The following HMCES variants were observed in gnomAD, a reference collection of about 807,000 sequenced individuals.
HMCES encodes abasic site processing protein HMCES.
Under a neutral mutation model 35.1 loss-of-function variants are expected in HMCES, and 27 were observed. The ratio of observed to expected loss-of-function variants is 0.77; its 90% CI spans 0.57 to 1.06. The LOEUF is 1.06. Among genes scored for constraint, HMCES ranks in the 50% least tolerant of loss-of-function variants. The pLI is 0.00. For missense variants in HMCES, 391 were observed against 430.4 expected (o/e 0.91, Z 0.81); for synonymous variants, 130 against 154.7 (o/e 0.84, Z 1.18).
intron 2 of HMCES, among the ~76,000 whole-genome samples, chr3:129,285,287 A>G (rs927415940): frequency 3.3e-5 from 5 of 152,168 alleles, no homozygotes; most frequent in African/African-American, 9.7e-5. Context: ...GAAAAATACT[A>G]TACTACAATT....
intron 2 of HMCES, among the ~76,000 whole-genome samples, chr3:129,285,544 C>T (rs1049357221): frequency 1.3e-4 from 20 of 152,110 alleles, no homozygotes; most frequent in African/African-American, 4.6e-4. Context: ...CTCTTCCTCC[C>T]GGGTTCACGC....
At chr3:129,300,815 G>C (rs998987750) in intron 5 of HMCES, among the ~76,000 whole-genome samples, 5 of 152,136 alleles carry the variant, frequency 3.3e-5, no homozygotes, top group Admixed American at 3.3e-4. Context: ...TGGATCATGA[G>C]GTCAGGAGAT....
chr3:129,300,983 A>G (rs1355092917), intron 5 of HMCES, among the ~76,000 whole-genome samples: 1 of 151,162 alleles, frequency 6.6e-6, no homozygotes, highest in East Asian at 1.9e-4. Flanking sequence ...ATGAGCCGAG[A>G]TCATGCCATT....
At chr3:129,302,418 A>G (rs1039423711) in intron 6 of HMCES, among the ~76,000 whole-genome samples, 3 of 152,218 alleles carry the variant, frequency 2.0e-5, no homozygotes, top group Non-Finnish European at 4.4e-5. Flanking sequence ...ACTTTTGTAT[A>G]ATTAAGAAGC....
intron 5 of HMCES, among the ~76,000 whole-genome samples, chr3:129,299,567 A>C (rs2071134987): frequency 6.6e-6 from 1 of 152,038 alleles, no homozygotes; most frequent in African/African-American, 2.4e-5. Flanking sequence ...TAGCACTAAA[A>C]GGAGCCACTT....
Position 129,279,722 on chromosome 3 carries a change from G to T in HMCES, c.-11G>T, listed in dbSNP as rs373040404. 2.4e-5 allele frequency: 39 copies of T among 1,611,930 alleles called. No individual in the cohort carries two copies. Among genetic ancestry groups the T allele is most frequent in the African/African-American group, 4.0e-5 (3 of 74,804 alleles). ...TTGTAATTTAAAGGTTGCGAGGGGC[G>T]GTGTTGAAGAATGTGTGGGCGAACA... On this transcript the variant is annotated 5_prime_UTR_variant, in exon 2 of 7. Coordinates refer to ENST00000383463, the MANE Select transcript of HMCES (RefSeq NM_020187.3). The surrounding 1 kb of genome is among the most constrained non-coding windows in gnomAD (Gnocchi z 4.2).
intron 4 of HMCES, 70 bp from the exon 5 acceptor site, chr3:129,298,284 G>C: frequency 7.3e-7 from 1 of 1,369,036 alleles, no homozygotes; most frequent in Non-Finnish European, 1.0e-6. Context: ...CGAGTCTGAA[G>C]TAGTACCTAA....
At chr3:129,295,233 T>G (rs2071077723) in intron 4 of HMCES, among the ~76,000 whole-genome samples, 2 of 150,152 alleles carry the variant, frequency 1.3e-5, no homozygotes, top group Admixed American at 1.3e-4. Context: ...CCTTTTAAAA[T>G]GTACAGTGGT....
chr3:129,290,759 G>A lies in HMCES; in HGVS notation c.408G>A (p.Gln136=). 1 of 1,613,504 alleles carries A rather than the reference G, an allele frequency of 6.2e-7. No homozygotes were observed. The highest frequency in any genetic ancestry group is 1.7e-4 in the Middle Eastern group (1 of 6,058). ...GGCAGCGATGTCAGGGAACAAACCA[G>A]AGGCAGCCATACTTCATCTATTTTC... ...YEWQRCQGTN[Q]RQPYFIYFPQ... Residue 136 remains glutamine (Q), a synonymous_variant, in exon 4 of 7, where the codon CAG becomes CAA. Transcript: ENST00000383463.
In HMCES at chr3:129,279,571, G is replaced by A. The variant is rs1016268185; in HGVS notation, c.-23-139G>A. The A allele has an allele frequency of 1.6e-5, 13 of 818,850 alleles. No homozygotes were observed. In the Admixed American group the frequency reaches 2.6e-4, roughly 16 times the overall value. 50.7% of individuals were successfully genotyped at this position (818,850 alleles called of 1,614,324 possible). On this transcript the variant is annotated intron_variant, in intron 1 of 6. Transcript: ENST00000383463. This position sits in a 1 kb window ranked among gnomAD's most constrained non-coding sequence, Gnocchi z 4.2. ...AACGGGCACATCCTTGTCTTTGTGG[G>A]ACTTTTTGGGGAAGACTTTAGACGG...
intron 4 of HMCES, among the ~76,000 whole-genome samples, chr3:129,295,256 CA>C (rs2071078107): frequency 6.7e-6 from 1 of 149,190 alleles, no homozygotes; most frequent in African/African-American, 2.5e-5. Flanking sequence ...TTAGTATATT[CA>C]AAACCTTGGC....
intron 2 of HMCES, among the ~76,000 whole-genome samples, chr3:129,287,134 G>C (rs73862874): frequency 0.11 from 16,294 of 152,122 alleles, 2,470 homozygotes; most frequent in African/African-American, 0.34. Context: ...GGAGGATACT[G>C]CAAGCATGTT....
At chr3:129,301,826 A>C in intron 5 of HMCES, 124 bp from the exon 6 acceptor site, 3 of 750,586 alleles carry the variant, frequency 4.0e-6, no homozygotes, top group East Asian at 4.9e-5. Context: ...TCAGCATGTG[A>C]GGCGCAGAGG....
rs1461816579 is a variant in HMCES, at chr3:129,279,863, A to G, written c.131A>G (p.Lys44Arg). 1.2e-6 allele frequency: 2 copies of G among 1,610,866 alleles called. No individual in the cohort carries two copies. The highest frequency in any genetic ancestry group is 1.7e-6 in the Non-Finnish European group (2 of 1,179,034). Residue 44 changes from lysine (K) to arginine (R), a missense_variant, in exon 2 of 7, where the codon AAG becomes AGG. Transcript: ENST00000383463. This position sits in a 1 kb window ranked among gnomAD's most constrained non-coding sequence, Gnocchi z 4.2. ...DPDKYCPSYN[K>R]SPQSNSPVLL... ...GATAAGTACTGCCCCTCTTACAACA[A>G]GAGTCCTCAATCCAACAGCCCAGTG...
chr3:129,302,134 GTCAAAAA>G lies in HMCES; in HGVS notation c.821_827del (p.Val274GlyfsTer59), dbSNP rs1451015958. ...GTGTCTGGCTCCTGTCGACTTGGTG[GTCAAAAA>G]GGTAGGGGCCTGTGACTGGTACAGT... On this transcript the variant is annotated frameshift_variant and splice_region_variant, in exon 6 of 7. Transcript: ENST00000383463. LOFTEE classifies it high-confidence loss of function. 3.1e-6 allele frequency: 5 copies of G among 1,610,150 alleles called. No individual in the cohort carries two copies. The highest frequency in any genetic ancestry group is 4.2e-6 in the Non-Finnish European group (5 of 1,178,804).
chr3:129,296,385 C>CT (rs1336069117), intron 4 of HMCES, among the ~76,000 whole-genome samples: 8 of 152,218 alleles, frequency 5.3e-5, no homozygotes, highest in Middle Eastern at 3.4e-3. Flanking sequence ...TTTAAGTTCA[C>CT]TGAGTCTTTC....
At chr3:129,300,557 C>G (rs1157538074) in intron 5 of HMCES, among the ~76,000 whole-genome samples, 1 of 152,156 alleles carries the variant, frequency 6.6e-6, no homozygotes, top group African/African-American at 2.4e-5. Context: ...TGACACCTGT[C>G]AGGATTACCT....
chr3:129,295,825 G>A (rs529045218), intron 4 of HMCES, among the ~76,000 whole-genome samples: 74 of 152,226 alleles, frequency 4.9e-4, no homozygotes, highest in African/African-American at 1.7e-3. Flanking sequence ...TACATTGTGT[G>A]TATGTGTTTT....
intron 2 of HMCES, among the ~76,000 whole-genome samples, chr3:129,283,466 G>A (rs560658829): frequency 6.6e-6 from 1 of 151,554 alleles, no homozygotes; most frequent in Admixed American, 6.6e-5. Context: ...CCAGCAGCTG[G>A]GATCACAGGC....
Sources: gnomAD v4.1 joint callset for allele counts (sites outside exome capture counted in the v4.1 genomes callset) on GRCh38, gnomAD v4.1.1 for gene constraint, Gnocchi (gnomAD v3.1) non-coding constraint, MANE v1.5 for transcripts, NCBI Gene and HGNC (gene_info 2026-07-23, HGNC 2026-07-21) for gene names.